NEK1: variants seen among roughly 807,000 people sequenced by gnomAD.
NEK1 encodes NIMA related kinase 1.
NEK1 carries 137 observed loss-of-function variants against 182.1 expected under a neutral mutation model. The observed-to-expected ratio is 0.75, with a 90% CI of 0.65 to 0.87. The LOEUF (loss-of-function observed/expected upper bound fraction) is 0.87. Ranked by LOEUF, NEK1 falls within the 40% of genes least tolerant of loss-of-function variation. The pLI, the probability that NEK1 is intolerant of heterozygous loss-of-function variation, is 0.00. For synonymous variants in NEK1, 513 were observed against 492.2 expected (o/e 1.04, Z -0.56); for missense variants, 1,391 against 1,494.4 (o/e 0.93, Z 1.14).
intron 18 of NEK1, among the ~76,000 whole-genome samples, chr4:169,548,211 C>T (rs1023795948): frequency 3.3e-5 from 5 of 152,212 alleles, no homozygotes; most frequent in Non-Finnish European, 5.9e-5. Context: ...TTCCTTCTAA[C>T]AGTCAGAGCC....
chr4:169,538,040 T>C lies in NEK1; in HGVS notation c.1563-129A>G, dbSNP rs1318099131. ...GGCTGATGAAACACTATCTCTGTAA[T>C]GAAGAAATCACTATATATATATTGA... On this transcript the variant is annotated intron_variant, in intron 18 of 35. Coordinates refer to ENST00000507142, the MANE Select transcript of NEK1 (RefSeq NM_001199397.3). 2.2e-5 allele frequency: 13 copies of C among 594,606 alleles called. No homozygotes were observed. The Admixed American group carries it at 2.9e-4, about 13-fold the overall frequency. The allele number at this position is 594,606 out of a possible 1,614,324, so 36.8% of individuals were successfully genotyped here.
At chr4:169,561,112 G>A (rs187669969) in intron 16 of NEK1, among the ~76,000 whole-genome samples, 2 of 152,268 alleles carry the variant, frequency 1.3e-5, no homozygotes, top group East Asian at 1.9e-4. Flanking sequence ...GAGACAACAG[G>A]GATCAGATTA....
At chr4:169,453,893 G>A (rs973570284) in intron 27 of NEK1, among the ~76,000 whole-genome samples, 15 of 152,014 alleles carry the variant, frequency 9.9e-5, no homozygotes, top group Non-Finnish European at 1.5e-4. Flanking sequence ...CCTCTAGTGC[G>A]GCTGGGTTAG....
chr4:169,556,135 A>G (rs1762134277), intron 16 of NEK1, 40 bp from the exon 17 acceptor site: 2 of 1,579,476 alleles, frequency 1.3e-6, no homozygotes, highest in African/African-American at 1.4e-5. Flanking sequence ...TTTATCTTAT[A>G]AGGCCTAACA....
intron 12 of NEK1, among the ~76,000 whole-genome samples, chr4:169,562,617 A>C (rs1430778560): frequency 6.6e-6 from 1 of 152,136 alleles, no homozygotes; most frequent in Non-Finnish European, 1.5e-5. Flanking sequence ...GAGTAACGGT[A>C]ACCACTGTTA....
intron 27 of NEK1, among the ~76,000 whole-genome samples, chr4:169,445,239 T>G (rs1420795206): frequency 6.6e-6 from 1 of 152,070 alleles, no homozygotes; most frequent in Non-Finnish European, 1.5e-5. Context: ...GGCAACAAAG[T>G]GAGACCCTGT....
At chr4:169,599,236 T>G (rs1485544724) in intron 4 of NEK1, 39 bp from the exon 5 acceptor site, 10 of 1,432,692 alleles carry the variant, frequency 7.0e-6, no homozygotes, top group South Asian at 2.4e-5. Context: ...TTTAAAAACG[T>G]ACATCAAAAG....
chr4:169,491,109 C>T (rs1297137684), intron 23 of NEK1, among the ~76,000 whole-genome samples: 1 of 127,542 alleles, frequency 7.8e-6, no homozygotes, highest in Non-Finnish European at 1.5e-5. Context: ...CGTCACTGCA[C>T]TCCAGCAACA....
chr4:169,581,654 A>G (rs1187755852), intron 10 of NEK1, among the ~76,000 whole-genome samples: 3 of 152,194 alleles, frequency 2.0e-5, no homozygotes, highest in Non-Finnish European at 4.4e-5. Flanking sequence ...CAAGGTAGGC[A>G]TCCATACATT....
intron 27 of NEK1, among the ~76,000 whole-genome samples, chr4:169,458,545 C>G (rs190873651): frequency 2.0e-5 from 3 of 152,010 alleles, no homozygotes; most frequent in African/African-American, 7.2e-5. Context: ...CTAAGCAACA[C>G]GGAGAAACAC....
At position 169,424,590 on chromosome 4, in the gene NEK1, C is replaced by A; in HGVS notation, c.3185G>T (p.Gly1062Val). The A allele has an allele frequency of 3.1e-6, 5 of 1,610,810 alleles. No individual in the cohort carries two copies. Among genetic ancestry groups the A allele is most frequent in the Non-Finnish European group, 4.2e-6 (5 of 1,177,554 alleles). ...TGCATCAAACAGACCAGTTGAAAGT[C>A]CAATCAGCAAGGAATTCTTGTTTTT... is the stretch of plus-strand genomic sequence containing the variant. ...KNKNKNSLLI[G>V]LSTGLFDANN... The change falls in exon 31 of 36, where the codon GGA (glycine) becomes GTA (valine). Residue 1062 changes from glycine (G) to valine (V), a missense_variant. This residue lies in a region of NEK1 where 1,216 missense variants were observed against 1,277.6 expected (regional missense o/e 0.95). Transcript: ENST00000507142.
Position 169,537,826 on chromosome 4 carries a change from G to A in NEK1, c.1648C>T (p.Arg550Ter), listed in dbSNP as rs371575563. 7 of 1,612,298 alleles carry A rather than the reference G, an allele frequency of 4.3e-6. No homozygotes were observed. The highest frequency in any genetic ancestry group is 4.0e-5 in the African/African-American group (3 of 74,820). Residue 550 changes from arginine (R) to a stop codon, truncating the protein, a stop_gained, in exon 19 of 36, where the codon CGA (arginine) becomes TGA (stop). Coordinates refer to ENST00000507142, the MANE Select transcript of NEK1 (RefSeq NM_001199397.3). LOFTEE classifies it high-confidence loss of function. ...RKREAMQNKA[R>*]AEGHMGILQN... ...ATTCATACCATATGTCCTTCGGCTC[G>A]AGCTTTATTCTGCATAGCTTCCCGT...
intron 16 of NEK1, among the ~76,000 whole-genome samples, chr4:169,557,106 A>G (rs542753151): frequency 9.8e-5 from 15 of 152,306 alleles, no homozygotes; most frequent in Admixed American, 3.9e-4. Flanking sequence ...CAGTAAGTCA[A>G]TATTATGCAT....
intron 23 of NEK1, among the ~76,000 whole-genome samples, chr4:169,500,506 T>C (rs1159651078): frequency 2.6e-5 from 4 of 152,300 alleles, no homozygotes; most frequent in East Asian, 3.9e-4. Flanking sequence ...CTGGGAGCTG[T>C]ACACTGGAGC....
intron 31 of NEK1, among the ~76,000 whole-genome samples, chr4:169,407,432 G>C (rs888686764): frequency 6.6e-6 from 1 of 152,158 alleles, no homozygotes; most frequent in East Asian, 1.9e-4. Context: ...ACTGTGAGTG[G>C]AACCTTTCTC....
At chr4:169,573,277 C>CA (rs1484804388) in intron 12 of NEK1, among the ~76,000 whole-genome samples, 1 of 152,122 alleles carries the variant, frequency 6.6e-6, no homozygotes, top group Admixed American at 6.5e-5. Flanking sequence ...TCTATTTTCT[C>CA]AGTGAAGTAG....
At chr4:169,394,624 T>C in intron 35 of NEK1, 101 bp from the exon 36 acceptor site, 2 of 641,790 alleles carry the variant, frequency 3.1e-6, no homozygotes, top group South Asian at 4.3e-5. Context: ...AGCTTTAATG[T>C]AGTTTTAAAC....
At chr4:169,594,555 G>A (rs778212139) in intron 5 of NEK1, among the ~76,000 whole-genome samples, 31 of 152,210 alleles carry the variant, frequency 2.0e-4, no homozygotes, top group Admixed American at 1.3e-3. Context: ...ATTTGGTTAT[G>A]TTTTTTGAAC....
intron 5 of NEK1, among the ~76,000 whole-genome samples, chr4:169,596,812 A>G (rs985877013): frequency 6.6e-6 from 1 of 152,234 alleles, no homozygotes; most frequent in Non-Finnish European, 1.5e-5. Flanking sequence ...GCTAAAATAA[A>G]TAGCATCCTT....
Sources: allele counts gnomAD v4.1 joint callset (sites outside exome capture counted in the v4.1 genomes callset), GRCh38; gene constraint gnomAD v4.1.1; regional missense constraint gnomAD v4.1.1; transcripts MANE v1.5; gene names NCBI Gene and HGNC (gene_info 2026-07-23, HGNC 2026-07-21).